Variants in SYT16 observed in about 807,000 individuals in gnomAD.
The protein encoded by SYT16 is synaptotagmin-16.
In SYT16, 42 loss-of-function variants were observed where a neutral mutation model predicts 61.4. The ratio of observed to expected loss-of-function variants is 0.68; its 90% CI spans 0.53 to 0.89. The LOEUF is 0.89. Ranked by LOEUF, SYT16 falls within the 40% of genes least tolerant of loss-of-function variation. The probability of loss-of-function intolerance (pLI) is 0.00; values close to 1 mark genes in which losing one functional copy is unlikely to be tolerated. For missense variants in SYT16, 804 were observed against 807.3 expected (o/e 1.00, Z 0.05); for synonymous variants, 314 against 302.3 (o/e 1.04, Z -0.40).
intron 1 of SYT16, among the ~76,000 whole-genome samples, chr14:61,858,120 C>CAAAAAAAAAAA (rs34781118): frequency 7.0e-4 from 30 of 43,164 alleles, no homozygotes; most frequent in African/African-American, 8.7e-4. Context: ...CACAGCTTGG[C>CAAAAAAAAAAA]AAAAAAAAAA....
intron 3 of SYT16, among the ~76,000 whole-genome samples, chr14:62,011,872 TATACACACACAC>T (rs2053468065): frequency 7.4e-6 from 1 of 135,872 alleles, no homozygotes; most frequent in African/African-American, 3.1e-5. Flanking sequence ...GAACACTATA[TATACACACACAC>T]ACACACACAC....
chr14:61,845,282 C>A (rs185994348), intron 1 of SYT16, among the ~76,000 whole-genome samples: 1 of 151,926 alleles, frequency 6.6e-6, no homozygotes, highest in Non-Finnish European at 1.5e-5. Context: ...CTCCTGACCT[C>A]GTGATTCGCC....
intron 7 of SYT16, among the ~76,000 whole-genome samples, chr14:62,095,579 C>T (rs1275388542): frequency 2.6e-5 from 4 of 151,650 alleles, no homozygotes; most frequent in Non-Finnish European, 3.0e-5. Context: ...TTATGAAAGA[C>T]ACAAACAGAA....
In SYT16 at chr14:61,865,252, G is replaced by A. The variant is rs149209477; in HGVS notation, c.-325+52442G>A. The A allele has an allele frequency of 2.6e-4, 224 of 871,188 alleles. 2 individuals carry two copies. The East Asian group carries it at 5.4e-3, about 21-fold the overall frequency. The allele number at this position is 871,188 out of a possible 1,614,324, so 54.0% of individuals were successfully genotyped here. A position where few individuals can be genotyped will look rare whatever the true frequency, so the allele number is the denominator to read the frequency against. On this transcript the variant is annotated intron_variant, in intron 1 of 7. Transcript: ENST00000683842. ...ATCTGTTGCTGGACATCAGGCCTAA[G>A]ATGGAGGTGAGCATCTGTCTTTTGC...
intron 3 of SYT16, among the ~76,000 whole-genome samples, chr14:62,012,026 CCTT>C (rs2053489441): frequency 1.6e-5 from 2 of 122,876 alleles, no homozygotes; most frequent in African/African-American, 5.5e-5. Context: ...CTCTCATGCA[CCTT>C]TTTAGAATAG....
chr14:61,912,199 C>T (rs2048959498), intron 1 of SYT16, among the ~76,000 whole-genome samples: 1 of 152,130 alleles, frequency 6.6e-6, no homozygotes, highest in Non-Finnish European at 1.5e-5. Flanking sequence ...TTTATCAAAC[C>T]TTACCTCTAA....
chr14:61,902,489 G>A (rs1367112367), intron 1 of SYT16, among the ~76,000 whole-genome samples: 1 of 152,114 alleles, frequency 6.6e-6, no homozygotes, highest in East Asian at 1.9e-4. Flanking sequence ...ATGCTTAGCT[G>A]GTATATTCAT....
In SYT16 at chr14:62,084,028, G is replaced by A. The variant is rs866747623; in HGVS notation, c.1435-168G>A. On this transcript the variant is annotated intron_variant, in intron 6 of 7. Transcript: ENST00000683842. ...AGTTCCTAATGCAGGGATCTCATCC[G>A]TGACTGTGCTCCCTGGGCCCATTGT... Among the ~76,000 whole-genome samples, 21 of 152,314 alleles carry A rather than the reference G, an allele frequency of 1.4e-4. No individual in the cohort carries two copies. The South Asian group carries it at 3.5e-3, about 26-fold the overall frequency.
Position 61,837,233 on chromosome 14 carries a change from ATT to A in SYT16, c.-325+24443_-325+24444del, listed in dbSNP as rs1237212390. Among the ~76,000 whole-genome samples the A allele has an allele frequency of 1.9e-3, 230 of 122,772 alleles. 2 individuals are homozygous for A. The highest frequency in any genetic ancestry group is 5.2e-3 in the African/African-American group (169 of 32,704). The allele number at this position is 122,772 out of a possible 152,430, so 80.5% of individuals were successfully genotyped here. On this transcript the variant is annotated intron_variant, in intron 1 of 7. Coordinates refer to ENST00000683842, the MANE Select transcript of SYT16 (RefSeq NM_001367656.1). ...ATTCTCCACTGAGTGGCAGAGGCTG[ATT>A]TTTTTTTTTTTTTTTTTTTGAGACA...
At chr14:62,079,294 A>G (rs991492549) in intron 5 of SYT16, 2 of 1,040,332 alleles carry the variant, frequency 1.9e-6, no homozygotes, top group Non-Finnish European at 2.5e-6. Context: ...AGGAAAGGAT[A>G]TAAGAAGCTT....
At chr14:62,049,034 G>T (rs1302800259) in intron 3 of SYT16, among the ~76,000 whole-genome samples, 2 of 152,004 alleles carry the variant, frequency 1.3e-5, no homozygotes, top group South Asian at 2.1e-4. Flanking sequence ...ATATCCTTGT[G>T]AAATTTCTGT....
At chr14:61,940,057 G>A (rs779354343) in intron 1 of SYT16, among the ~76,000 whole-genome samples, 6 of 152,074 alleles carry the variant, frequency 3.9e-5, no homozygotes, top group Non-Finnish European at 7.4e-5. Flanking sequence ...GCAGTCAACT[G>A]TTTATGTGCA....
rs1232385116 is a variant in SYT16, at chr14:62,112,388, C to T, written c.*11681C>T. On this transcript the variant is annotated 3_prime_UTR_variant, in exon 8 of 8. Transcript: ENST00000683842. The stretch of plus-strand genomic sequence containing the variant: ...AATGCATGAGGATAAATTCTAATTG[C>T]TTTTTGTTTAAAACAGAAACATAGA... 3.9e-5 allele frequency: 6 copies of T among 152,062 alleles called. No individual in the cohort carries two copies. Among genetic ancestry groups the T allele is most frequent in the African/African-American group, 1.4e-4 (6 of 41,414 alleles). The allele number at this position is 152,062 out of a possible 1,614,324, so 9.4% of individuals were successfully genotyped here.
At chr14:61,955,870 G>A (rs1196195318) in intron 1 of SYT16, among the ~76,000 whole-genome samples, 1 of 151,918 alleles carries the variant, frequency 6.6e-6, no homozygotes, top group East Asian at 1.9e-4. Context: ...ATCCATCTTG[G>A]TTTTCATAGT....
chr14:61,985,253 C>G (rs774252125), intron 2 of SYT16, among the ~76,000 whole-genome samples: 1 of 152,086 alleles, frequency 6.6e-6, no homozygotes. Flanking sequence ...CTTGTGTAAA[C>G]AAATGAGGAG....
chr14:61,856,045 C>T (rs1594766266), intron 1 of SYT16, among the ~76,000 whole-genome samples: 1 of 152,010 alleles, frequency 6.6e-6, no homozygotes, highest in Admixed American at 6.6e-5. Flanking sequence ...TGAGGGATGG[C>T]GGGGGGTCAG....
chr14:61,985,088 A>G (rs1432265247), intron 2 of SYT16, among the ~76,000 whole-genome samples: 1 of 152,156 alleles, frequency 6.6e-6, no homozygotes, highest in Admixed American at 6.6e-5. Context: ...ACACAGAAGC[A>G]TTGAGAATGT....
chr14:61,835,179 T>C (rs1314434806), intron 1 of SYT16, among the ~76,000 whole-genome samples: 1 of 151,626 alleles, frequency 6.6e-6, no homozygotes, highest in East Asian at 1.9e-4. Context: ...CACTGACTAG[T>C]GGAGTAATGT....
At chr14:61,847,725 G>T (rs1292293400) in intron 1 of SYT16, among the ~76,000 whole-genome samples, 3 of 151,990 alleles carry the variant, frequency 2.0e-5, no homozygotes, top group Admixed American at 2.0e-4. Context: ...AGATATTTTA[G>T]ATGTGCTTCC....
Sources: allele counts gnomAD v4.1 joint callset (sites outside exome capture counted in the v4.1 genomes callset), GRCh38; gene constraint gnomAD v4.1.1; transcripts MANE v1.5; gene names NCBI Gene and HGNC (gene_info 2026-07-23, HGNC 2026-07-21).